The following PC variants were observed in gnomAD, a reference collection of about 807,000 sequenced individuals.
The protein encoded by PC is pyruvate carboxylase, also known as pyruvate carboxylase, mitochondrial.
Under a neutral mutation model 107.8 loss-of-function variants are expected in PC, and 46 were observed. The observed-to-expected ratio is 0.43, with a 90% CI of 0.34 to 0.55. The LOEUF is 0.55. Ranked by LOEUF, PC falls within the 20% of genes least tolerant of loss-of-function variation. The pLI is 0.04. For missense variants in PC, 1,241 were observed against 1,643.1 expected, an observed-to-expected ratio of 0.76 and a Z score of 4.23; for synonymous variants, 662 against 684.7, an observed-to-expected ratio of 0.97 and a Z score of 0.52.
At chr11:66,930,168 GGCAGGTAGAAAAACAAAA>G (rs151147575) in intron 3 of PC, among the ~76,000 whole-genome samples, 5,471 of 151,330 alleles carry the variant, frequency 0.036, 328 homozygotes, top group African/African-American at 0.12. Context: ...CTAAATCCTT[GGCAGGTAGAAAAACAAAA>G]GCAGGTAGAA....
chr11:66,921,095 A>T (rs962985970), intron 3 of PC, among the ~76,000 whole-genome samples: 1 of 151,696 alleles, frequency 6.6e-6, no homozygotes, highest in Non-Finnish European at 1.5e-5. Context: ...GAAATGCCTT[A>T]CTTGGCCCTT....
At chr11:66,881,920 C>G (rs1947201799) in intron 3 of PC, among the ~76,000 whole-genome samples, 1 of 152,222 alleles carries the variant, frequency 6.6e-6, no homozygotes, top group Non-Finnish European at 1.5e-5. Flanking sequence ...TCACGGCTTT[C>G]ATCAGGAGCA....
Position 66,866,199 on chromosome 11 carries a change from G to A in PC, c.1173C>T (p.Thr391=), listed in dbSNP as rs202135326. ...GAGCTCCGCCCACCTCAATGCGGCC[G>A]GTGTCCGGCTGGAAGCTGCGCGCGG... ...EDPARSFQPD[T]GRIEVFRSGE... is the part of the protein sequence containing the mutation. Residue 391 remains threonine (T), a synonymous_variant, in exon 11 of 23, where the codon ACC becomes ACT. Transcript: ENST00000393960. This position sits in a 1 kb window ranked among gnomAD's most constrained non-coding sequence, Gnocchi z 5.4. 2.2e-5 allele frequency: 35 copies of A among 1,609,214 alleles called. No individual in the cohort carries two copies. The highest frequency in any genetic ancestry group is 2.7e-5 in the African/African-American group (2 of 75,008).
intron 3 of PC, among the ~76,000 whole-genome samples, chr11:66,883,029 C>T (rs920131352): frequency 6.6e-6 from 1 of 152,152 alleles, no homozygotes; most frequent in Non-Finnish European, 1.5e-5. Context: ...GGGTGCTCGC[C>T]GAGGCTCAGC....
rs763973426 is a variant in PC at position 66,857,805 on chromosome 11, T to C, written c.1369-4422A>G. 1.2e-6 allele frequency: 2 copies of C among 1,600,724 alleles called. No individual in the cohort carries two copies. The highest frequency in any genetic ancestry group is 2.2e-5 in the East Asian group (1 of 44,810). On this transcript the variant is annotated intron_variant, in intron 12 of 22. Transcript: ENST00000393960. The surrounding 1 kb of genome is among the most constrained non-coding windows in gnomAD (Gnocchi z 7.1). ...TGGAGCGGCCGCCTGCCCGCTGCCC[T>C]GCGTCTGCCAGAACCTGTCCGAGTC...
intron 3 of PC, among the ~76,000 whole-genome samples, chr11:66,934,140 A>G (rs1345039658): frequency 6.6e-6 from 1 of 152,044 alleles, no homozygotes; most frequent in African/African-American, 2.4e-5. Context: ...CCCGCCTCCT[A>G]CGAACTCAAA....
At position 66,894,561 on chromosome 11, in the gene PC, C is replaced by T. The variant is rs374126330; in HGVS notation, c.1-22402G>A. On this transcript the variant is annotated intron_variant, in intron 3 of 22. Coordinates refer to ENST00000393960, the MANE Select transcript of PC (RefSeq NM_001040716.2). ...ACTGCAGAAGCTGGAGCGCAGCTCG[C>T]GTCAGCTGACCTCACAGCCTGGGTC... Among the ~76,000 whole-genome samples, 289 of 152,352 alleles carry T rather than the reference C, an allele frequency of 1.9e-3. 8 individuals are homozygous for T. In the South Asian group the frequency reaches 0.058, roughly 31 times the overall value.
At chr11:66,933,263 C>T (rs565065300) in intron 3 of PC, among the ~76,000 whole-genome samples, 5 of 152,232 alleles carry the variant, frequency 3.3e-5, no homozygotes, top group African/African-American at 1.2e-4. Context: ...CAGAAACCGT[C>T]AGATGAGGAG....
intron 3 of PC, among the ~76,000 whole-genome samples, chr11:66,938,622 T>A (rs939316619): frequency 1.3e-5 from 2 of 152,174 alleles, no homozygotes; most frequent in African/African-American, 4.8e-5. Context: ...TTTAAACACA[T>A]AATTTTGTAA....
chr11:66,872,308 G>T, intron 3 of PC, 149 bp from the exon 4 acceptor site: 1 of 956,124 alleles, frequency 1.0e-6, no homozygotes, highest in Non-Finnish European at 1.6e-6. Flanking sequence ...AACATTTCCT[G>T]GCTCTAGAGA....
Position 66,871,569 on chromosome 11 carries a change from G to A in PC, c.322-89C>T, listed in dbSNP as rs1170355257. On this transcript the variant is annotated intron_variant, in intron 5 of 22. Transcript: ENST00000393960. This position sits in a 1 kb window ranked among gnomAD's most constrained non-coding sequence, Gnocchi z 7.4. ...CTTCCCCTGCCTAACCTGCTGAGCT[G>A]CATCCGTTTACCCACCCACGCACAG... is the stretch of plus-strand genomic sequence containing the variant. The A allele has an allele frequency of 2.5e-6, 4 of 1,589,910 alleles. No individual in the cohort carries two copies. Among genetic ancestry groups the A allele is most frequent in the African/African-American group, 1.3e-5 (1 of 74,612 alleles).
chr11:66,873,456 ATATATAT>A, intron 3 of PC, among the ~76,000 whole-genome samples: 1 of 82,894 alleles, frequency 1.2e-5, no homozygotes, highest in East Asian at 2.8e-4. Flanking sequence ...TATATATAAA[ATATATAT>A]TATATATAAT....
intron 3 of PC, among the ~76,000 whole-genome samples, chr11:66,897,033 G>C (rs1947785173): frequency 6.6e-6 from 1 of 152,090 alleles, no homozygotes; most frequent in Non-Finnish European, 1.5e-5. Flanking sequence ...CGGGATTCAA[G>C]AGATTCTCAT....
chr11:66,849,172 A>G (rs772960728), intron 22 of PC, 25 bp from the exon 23 acceptor site: 2 of 1,613,780 alleles, frequency 1.2e-6, no homozygotes, highest in Non-Finnish European at 1.7e-6. Context: ...CAGAGGGGAC[A>G]TGACATCCTG....
At chr11:66,875,139 T>A (rs1946924102) in intron 3 of PC, among the ~76,000 whole-genome samples, 1 of 151,256 alleles carries the variant, frequency 6.6e-6, no homozygotes, top group African/African-American at 2.4e-5. Flanking sequence ...GTGGAAAGGA[T>A]CTCTCTGGAC....
At position 66,858,878 on chromosome 11, in the gene PC, T is replaced by C; in HGVS notation, c.1368+4896A>G. The C allele has an allele frequency of 5.2e-6, 8 of 1,552,572 alleles. No homozygotes were observed. Among genetic ancestry groups the C allele is most frequent in the Non-Finnish European group, 7.0e-6 (8 of 1,148,238 alleles). ...CCTTGCCCCATGGTGGGAACAGCAG[T>C]GCCGAGGGGGGCCGCCCCGGGCCCT... On this transcript the variant is annotated intron_variant, in intron 12 of 22. Coordinates refer to ENST00000393960, the MANE Select transcript of PC (RefSeq NM_001040716.2). This position sits in a 1 kb window ranked among gnomAD's most constrained non-coding sequence, Gnocchi z 5.9.
intron 3 of PC, among the ~76,000 whole-genome samples, chr11:66,917,160 C>G (rs1020364211): frequency 6.6e-6 from 1 of 151,922 alleles, no homozygotes; most frequent in African/African-American, 2.4e-5. Context: ...CAACCTCAGC[C>G]TCACAGGCTC....
intron 3 of PC, among the ~76,000 whole-genome samples, chr11:66,933,552 A>G (rs1380510914): frequency 1.3e-5 from 2 of 152,104 alleles, no homozygotes; most frequent in Non-Finnish European, 2.9e-5. Flanking sequence ...CCCTTTAGCT[A>G]AATAAATGGG....
intron 13 of PC, 76 bp downstream of exon 13, chr11:66,853,163 G>C (rs996346588): frequency 8.8e-5 from 136 of 1,546,896 alleles, no homozygotes; most frequent in Non-Finnish European, 1.1e-4. Context: ...GTCATGGGGA[G>C]TGGCAAGGAG....
Sources: allele counts gnomAD v4.1 joint callset (sites outside exome capture counted in the v4.1 genomes callset), GRCh38; gene constraint gnomAD v4.1.1; non-coding constraint Gnocchi (gnomAD v3.1); transcripts MANE v1.5; gene names NCBI Gene and HGNC (gene_info 2026-07-23, HGNC 2026-07-21).